The following GALNT13 variants were observed in gnomAD, a reference collection of about 807,000 sequenced individuals.
The protein encoded by GALNT13 is UDP-GalNAc:polypeptide N-acetylgalactosaminyltransferase 13.
A neutral mutation model predicts 64.2 loss-of-function variants in GALNT13; 28 were observed. That is an observed-to-expected ratio of 0.44 (90% CI 0.32 to 0.60). The LOEUF (loss-of-function observed/expected upper bound fraction) is 0.60. Among genes scored for constraint, GALNT13 ranks in the 20% least tolerant of loss-of-function variants. The pLI is 0.05. For missense variants in GALNT13, 577 were observed against 669.8 expected, an observed-to-expected ratio of 0.86 and a Z score of 1.53; for synonymous variants, 214 against 224.6, an observed-to-expected ratio of 0.95 and a Z score of 0.42.
At chr2:153,791,973 T>A in the GALNT13 span, among the ~76,000 whole-genome samples, 1 of 152,158 alleles carries the variant, frequency 6.6e-6, no homozygotes, top group Non-Finnish European at 1.5e-5. Flanking sequence ...TTAAGCTTAG[T>A]ACCTGGGTGA....
intron 3 of GALNT13, among the ~76,000 whole-genome samples, chr2:154,013,340 G>T (rs1696773941): frequency 6.6e-6 from 1 of 151,870 alleles, no homozygotes; most frequent in African/African-American, 2.4e-5. Context: ...GTGTCTTCTG[G>T]CCCCTTGAGG....
chr2:153,166,731 G>A, the GALNT13 span, among the ~76,000 whole-genome samples: 686 of 150,496 alleles, frequency 4.6e-3, 8 homozygotes, highest in African/African-American at 0.016. Flanking sequence ...GGTTCTCAAG[G>A]ACACCTGCTC....
chr2:153,390,872 A>G, the GALNT13 span, among the ~76,000 whole-genome samples: 1 of 152,086 alleles, frequency 6.6e-6, no homozygotes, highest in Non-Finnish European at 1.5e-5. Flanking sequence ...TGGGGGGAAG[A>G]TGATAAATAC....
chr2:153,368,452 T>C, the GALNT13 span, among the ~76,000 whole-genome samples: 2 of 152,144 alleles, frequency 1.3e-5, no homozygotes, highest in Non-Finnish European at 2.9e-5. Context: ...ACTGTCTGTG[T>C]TTAAGCCACT....
intron 9 of GALNT13, among the ~76,000 whole-genome samples, chr2:154,320,504 G>A (rs1028921146): frequency 2.0e-5 from 3 of 152,132 alleles, no homozygotes; most frequent in Non-Finnish European, 4.4e-5. Context: ...TTTTGTTAGG[G>A]GCTACATTGT....
At chr2:153,630,688 T>G in the GALNT13 span, among the ~76,000 whole-genome samples, 1 of 122,962 alleles carries the variant, frequency 8.1e-6, no homozygotes, top group Non-Finnish European at 1.7e-5. Context: ...TAAAAAAAAT[T>G]AAAAAAAATT....
chr2:154,138,680 A>T lies in GALNT13; in HGVS notation c.143-1657A>T, dbSNP rs192282687. On this transcript the variant is annotated intron_variant, in intron 3 of 12. Transcript: ENST00000392825. ...TTAGAAAGACTCACAAAGAAGCCAC[A>T]TATAAATTCATTTAATACTTTATGT... Among the ~76,000 whole-genome samples, 1,371 of 151,966 alleles carry T rather than the reference A, an allele frequency of 9.0e-3. 17 individuals carry two copies. Among genetic ancestry groups the T allele is most frequent in the African/African-American group, 0.031 (1,276 of 41,522 alleles).
the GALNT13 span, among the ~76,000 whole-genome samples, chr2:153,303,987 A>G: frequency 2.0e-5 from 3 of 151,768 alleles, no homozygotes; most frequent in Non-Finnish European, 2.9e-5. Flanking sequence ...TCTCAGAAGA[A>G]CCTGCCAGGT....
At chr2:153,627,818 T>G in the GALNT13 span, among the ~76,000 whole-genome samples, 1 of 152,148 alleles carries the variant, frequency 6.6e-6, no homozygotes, top group African/African-American at 2.4e-5. Context: ...GGCTTGGGAT[T>G]GACTTGGCGA....
chr2:153,561,362 T>C, the GALNT13 span, among the ~76,000 whole-genome samples: 3 of 152,160 alleles, frequency 2.0e-5, no homozygotes, highest in African/African-American at 4.8e-5. Flanking sequence ...TAATGATGTA[T>C]AGATAATGAG....
chr2:153,721,319 C>T, the GALNT13 span, among the ~76,000 whole-genome samples: 7 of 143,970 alleles, frequency 4.9e-5, no homozygotes, highest in Middle Eastern at 3.4e-3. Context: ...AAGCGCTAAA[C>T]ATGGAAAGGA....
At chr2:153,854,958 T>C in the GALNT13 span, among the ~76,000 whole-genome samples, 1 of 152,130 alleles carries the variant, frequency 6.6e-6, no homozygotes. Context: ...GCATAGAAAG[T>C]TGATATTGTA....
intron 3 of GALNT13, among the ~76,000 whole-genome samples, chr2:154,067,090 T>C (rs1185895100): frequency 6.6e-6 from 1 of 152,062 alleles, no homozygotes; most frequent in African/African-American, 2.4e-5. Flanking sequence ...CAGTTTAAAA[T>C]AATGGGTTAT....
intron 4 of GALNT13, among the ~76,000 whole-genome samples, chr2:154,149,768 C>T (rs1369041875): frequency 3.3e-5 from 5 of 152,116 alleles, no homozygotes; most frequent in Admixed American, 1.3e-4. Flanking sequence ...GATTTTTGTA[C>T]ATTGATTTTG....
chr2:154,059,656 C>G (rs1193331204), intron 3 of GALNT13, among the ~76,000 whole-genome samples: 1 of 152,136 alleles, frequency 6.6e-6, no homozygotes, highest in Non-Finnish European at 1.5e-5. Flanking sequence ...ATTAATTTTT[C>G]ATACTTATTC....
At chr2:153,760,663 A>C in the GALNT13 span, among the ~76,000 whole-genome samples, 7 of 152,156 alleles carry the variant, frequency 4.6e-5, no homozygotes, top group Non-Finnish European at 1.0e-4. Context: ...GATGTAATCT[A>C]TCCTGGAGAA....
chr2:153,344,943 A>G, the GALNT13 span, among the ~76,000 whole-genome samples: 4 of 152,234 alleles, frequency 2.6e-5, no homozygotes, highest in Non-Finnish European at 5.9e-5. Flanking sequence ...CAAGACCTTA[A>G]AAATCTAAAA....
chr2:153,475,964 G>A, the GALNT13 span, among the ~76,000 whole-genome samples: 4 of 152,028 alleles, frequency 2.6e-5, no homozygotes, highest in Non-Finnish European at 5.9e-5. Flanking sequence ...TTGTCCTGTC[G>A]GTTAGCAAAA....
the GALNT13 span, among the ~76,000 whole-genome samples, chr2:153,548,951 C>A: frequency 6.6e-6 from 1 of 152,140 alleles, no homozygotes; most frequent in African/African-American, 2.4e-5. Context: ...AGTACTTATA[C>A]ATGTTATAAT....
Sources: gnomAD v4.1 joint callset for allele counts (sites outside exome capture counted in the v4.1 genomes callset) on GRCh38, gnomAD v4.1.1 for gene constraint, MANE v1.5 for transcripts, NCBI Gene and HGNC (gene_info 2026-07-23, HGNC 2026-07-21) for gene names.